Variants in SH3PXD2B observed in about 807,000 individuals in gnomAD.
The protein encoded by SH3PXD2B is SH3 and PX domains 2B, also known as SH3 and PX domain-containing protein 2B.
In SH3PXD2B, 37 loss-of-function variants were observed where a neutral mutation model predicts 73.1. The observed-to-expected ratio is 0.51, with a 90% CI of 0.39 to 0.67. SH3PXD2B has a LOEUF of 0.67. SH3PXD2B is among the 30% of genes least tolerant of loss of function. SH3PXD2B has a pLI of 0.00. For synonymous variants in SH3PXD2B, 457 were observed against 480.5 expected (o/e 0.95, Z 0.64); for missense variants, 1,053 against 1,197.8 (o/e 0.88, Z 1.78).
At chr5:172,343,571 CG>C (rs1756906120) in intron 12 of SH3PXD2B, among the ~76,000 whole-genome samples, 1 of 152,042 alleles carries the variant, frequency 6.6e-6, no homozygotes, top group African/African-American at 2.4e-5. Flanking sequence ...GAGGCTTAGG[CG>C]GGCGGATCAC....
intron 5 of SH3PXD2B, among the ~76,000 whole-genome samples, chr5:172,378,445 G>T (rs1757867896): frequency 6.6e-6 from 1 of 152,204 alleles, no homozygotes; most frequent in Non-Finnish European, 1.5e-5. Flanking sequence ...GAATCTCTAA[G>T]TGGTCCATGA....
rs140634746 is a variant in SH3PXD2B at position 172,419,193 on chromosome 5, G to A, written c.156+3223C>T. The stretch of plus-strand genomic sequence containing the variant: ...CCAGGTCTGTCTGACTGAAAGCCAA[G>A]GTCTTAAGCCTTAGGCTGCGCTGGA... On this transcript the variant is annotated intron_variant, in intron 2 of 12. Transcript: ENST00000311601. Among the ~76,000 whole-genome samples the A allele has an allele frequency of 3.3e-5, 5 of 152,028 alleles. 1 individual carries two copies. Among genetic ancestry groups the A allele is most frequent in the African/African-American group, 1.2e-4 (5 of 41,354 alleles).
rs878879109 is a variant in SH3PXD2B, at chr5:172,373,826, A to T, written c.402-11T>A. 6.2e-7 allele frequency: 1 copy of T among 1,613,872 alleles called. No individual in the cohort carries two copies. The highest frequency in any genetic ancestry group is 8.5e-7 in the Non-Finnish European group (1 of 1,179,878). On this transcript the variant is annotated splice_polypyrimidine_tract_variant and intron_variant, in intron 5 of 12. Coordinates refer to ENST00000311601, the MANE Select transcript of SH3PXD2B (RefSeq NM_001017995.3). Reference sequence around the variant, plus strand: ...TTCCCAATGTGCTCCCTGTACAGGAAAGAAAGGGGGTGGGAAGAGTAACGA... The same window carrying T: ...TTCCCAATGTGCTCCCTGTACAGGATAGAAAGGGGGTGGGAAGAGTAACGA...
In SH3PXD2B at chr5:172,353,495, G is replaced by A. The variant is rs1378240619; in HGVS notation, c.785+393C>T. 6.6e-6 allele frequency among the ~76,000 whole-genome samples: 1 copy of A among 152,176 alleles called. No individual in the cohort carries two copies. The highest frequency in any genetic ancestry group is 1.5e-5 in the Non-Finnish European group (1 of 68,034). The stretch of plus-strand genomic sequence containing the variant: ...AGACGAGGGCAGATTATCAGCCTAG[G>A]ACGAATTACAGTCCATGAGTGTTTA... On this transcript the variant is annotated intron_variant, in intron 9 of 12. Transcript: ENST00000311601. This position sits in a 1 kb window ranked among gnomAD's most constrained non-coding sequence, Gnocchi z 4.3.
intron 12 of SH3PXD2B, among the ~76,000 whole-genome samples, chr5:172,326,050 G>A (rs1299959908): frequency 6.6e-6 from 1 of 152,198 alleles, no homozygotes; most frequent in African/African-American, 2.4e-5. Context: ...GCCTCCCGAA[G>A]TGTTGGGATT....
chr5:172,353,118 G>C lies in SH3PXD2B; in HGVS notation c.785+770C>G, dbSNP rs1399085833. Among the ~76,000 whole-genome samples, 1 of 152,180 alleles carries C rather than the reference G, an allele frequency of 6.6e-6. No homozygotes were observed. Among genetic ancestry groups the C allele is most frequent in the East Asian group, 1.9e-4 (1 of 5,200 alleles). On this transcript the variant is annotated intron_variant, in intron 9 of 12. Transcript: ENST00000311601. This position sits in a 1 kb window ranked among gnomAD's most constrained non-coding sequence, Gnocchi z 4.3. ...TGTTGACTCCTCAGCTCCCAGAACAGGGCTGGGCCCAACAGAGATTCTTGG... is the reference window on the plus strand; with the variant it reads ...TGTTGACTCCTCAGCTCCCAGAACACGGCTGGGCCCAACAGAGATTCTTGG...
At chr5:172,362,941 G>A in intron 6 of SH3PXD2B, 72 bp from the exon 7 acceptor site, 1 of 1,600,656 alleles carries the variant, frequency 6.2e-7, no homozygotes, top group Non-Finnish European at 8.5e-7. Flanking sequence ...GAGCAGTAGG[G>A]CGGGTCAAGA....
chr5:172,420,658 CTTA>C, intron 2 of SH3PXD2B, among the ~76,000 whole-genome samples: 1 of 152,318 alleles, frequency 6.6e-6, no homozygotes, highest in East Asian at 1.9e-4. Context: ...AGTCTCCACC[CTTA>C]TTGACTTCTT....
intron 3 of SH3PXD2B, among the ~76,000 whole-genome samples, chr5:172,403,815 G>A (rs1192018632): frequency 6.6e-6 from 1 of 152,242 alleles, no homozygotes; most frequent in Non-Finnish European, 1.5e-5. Flanking sequence ...GAAACCAAGA[G>A]ATTCCAAAGG....
At chr5:172,351,664 A>C (rs1277617253) in intron 9 of SH3PXD2B, among the ~76,000 whole-genome samples, 1 of 152,166 alleles carries the variant, frequency 6.6e-6, no homozygotes, top group Admixed American at 6.5e-5. Context: ...CATTTACCAG[A>C]ACCCAAAAAA....
intron 4 of SH3PXD2B, among the ~76,000 whole-genome samples, chr5:172,389,266 G>A (rs980952699): frequency 1.3e-5 from 2 of 151,854 alleles, no homozygotes; most frequent in African/African-American, 2.4e-5. Context: ...ACATTGGTCA[G>A]GCTGGTCTCA....
At chr5:172,437,765 G>A (rs1759428023) in intron 1 of SH3PXD2B, among the ~76,000 whole-genome samples, 1 of 152,208 alleles carries the variant, frequency 6.6e-6, no homozygotes, top group Admixed American at 6.5e-5. Flanking sequence ...GAGACACTTA[G>A]GGCTGTGTTC....
At chr5:172,389,522 G>A (rs1316645027) in intron 4 of SH3PXD2B, among the ~76,000 whole-genome samples, 1 of 138,934 alleles carries the variant, frequency 7.2e-6, no homozygotes, top group East Asian at 2.3e-4. Context: ...CTCCTGCCTA[G>A]GAATTCGAGA....
intron 6 of SH3PXD2B, among the ~76,000 whole-genome samples, chr5:172,365,164 G>A (rs980267535): frequency 3.9e-5 from 6 of 152,210 alleles, no homozygotes; most frequent in African/African-American, 1.4e-4. Flanking sequence ...AACAGAGGAA[G>A]AGAGAGCAGG....
rs759780509 is a variant in SH3PXD2B at position 172,350,522 on chromosome 5, G to C, written c.853C>G (p.Pro285Ala). Residue 285 changes from proline (P) to alanine (A), a missense_variant, in exon 10 of 13, where the codon CCG becomes GCG. This residue lies in a region of SH3PXD2B where 466 missense variants were observed against 607.1 expected (regional missense o/e 0.77). Transcript: ENST00000311601. ...LKKNSGEPLP[P>A]KPGPGSPSHP... ...GAGGGTGAGCCAGGGCCTGGCTTCGGGGGCAAGGGCTCCCCACTGTTCTTC... is the reference window on the plus strand; with the variant it reads ...GAGGGTGAGCCAGGGCCTGGCTTCGCGGGCAAGGGCTCCCCACTGTTCTTC... 7 of 1,613,944 alleles carry C rather than the reference G, an allele frequency of 4.3e-6. No homozygotes were observed. Among genetic ancestry groups the C allele is most frequent in the East Asian group, 2.2e-5 (1 of 44,886 alleles).
At position 172,333,700 on chromosome 5, in the gene SH3PXD2B, AGAGT is replaced by A. The variant is rs550289556; in HGVS notation, c.*4665_*4668del. ...CGGAATGCCAATTTGCCAAGAGGGT[AGAGT>A]AAGTGTGGGGATCTCCAGCGTCATC... is the stretch of plus-strand genomic sequence containing the variant. On this transcript the variant is annotated 3_prime_UTR_variant, in exon 13 of 13. Coordinates refer to ENST00000311601, the MANE Select transcript of SH3PXD2B (RefSeq NM_001017995.3). 9.5e-4 allele frequency: 1,230 copies of A among 1,289,418 alleles called. 23 individuals are homozygous for A. In the South Asian group the frequency reaches 0.014, roughly 15 times the overall value. 79.9% of individuals were successfully genotyped at this position (1,289,418 alleles called of 1,614,324 possible).
intron 2 of SH3PXD2B, among the ~76,000 whole-genome samples, chr5:172,419,977 A>G (rs1161149016): frequency 6.6e-6 from 1 of 152,124 alleles, no homozygotes; most frequent in Admixed American, 6.5e-5. Flanking sequence ...AGCATAAATC[A>G]CCACAGATCT....
chr5:172,367,658 G>C (rs1386984244), intron 6 of SH3PXD2B, among the ~76,000 whole-genome samples: 1 of 152,182 alleles, frequency 6.6e-6, no homozygotes, highest in African/African-American at 2.4e-5. Flanking sequence ...GGGCCACTTG[G>C]AATAAGACTC....
intron 5 of SH3PXD2B, among the ~76,000 whole-genome samples, chr5:172,374,231 G>A (rs990845015): frequency 1.3e-5 from 2 of 152,204 alleles, no homozygotes; most frequent in Non-Finnish European, 2.9e-5. Context: ...GGCAGTAAGT[G>A]TACAGGGAAC....
Sources: gnomAD v4.1 joint callset for allele counts (sites outside exome capture counted in the v4.1 genomes callset) on GRCh38, gnomAD v4.1.1 for gene constraint, gnomAD v4.1.1 regional missense constraint, Gnocchi (gnomAD v3.1) non-coding constraint, MANE v1.5 for transcripts, NCBI Gene and HGNC (gene_info 2026-07-23, HGNC 2026-07-21) for gene names.